DCDC2: variants seen among roughly 807,000 people sequenced by gnomAD.
The protein encoded by DCDC2 is doublecortin domain containing 2, also known as doublecortin domain-containing protein 2.
A neutral mutation model predicts 50.2 loss-of-function variants in DCDC2; 40 were observed. That is an observed-to-expected ratio of 0.80 (90% confidence interval 0.62 to 1.04). DCDC2 has a LOEUF of 1.04. DCDC2 is among the 50% of genes least tolerant of loss of function. The pLI is 0.00. For synonymous variants in DCDC2, 234 were observed against 210.6 expected (o/e 1.11, Z -0.96); for missense variants, 570 against 581.9 (o/e 0.98, Z 0.21).
intron 4 of DCDC2, among the ~76,000 whole-genome samples, chr6:24,292,990 A>T (rs930185117): frequency 1.3e-5 from 2 of 152,356 alleles, no homozygotes; most frequent in Non-Finnish European, 2.9e-5. Context: ...CAAAATAGTT[A>T]TATCTCAATC....
intron 6 of DCDC2, among the ~76,000 whole-genome samples, chr6:24,285,904 C>T (rs944924043): frequency 1.3e-5 from 2 of 152,148 alleles, no homozygotes; most frequent in African/African-American, 4.8e-5. Context: ...GTAATCATTC[C>T]TCTAGCTGCA....
chr6:24,312,576 T>C (rs73726649), intron 2 of DCDC2, among the ~76,000 whole-genome samples: 2,841 of 152,314 alleles, frequency 0.019, 74 homozygotes, highest in African/African-American at 0.06. Context: ...TTAGTTTCTA[T>C]GAGCTGATGA....
At chr6:24,244,989 G>A (rs1762640040) in intron 7 of DCDC2, among the ~76,000 whole-genome samples, 1 of 152,270 alleles carries the variant, frequency 6.6e-6, no homozygotes. Flanking sequence ...AAAGCCAGGA[G>A]TTCAAGACCA....
Position 24,172,267 on chromosome 6 carries a change from G to A in DCDC2, c.*2463C>T, listed in dbSNP as rs1036237995. On this transcript the variant is annotated 3_prime_UTR_variant, in exon 10 of 10. Coordinates refer to ENST00000378454, the MANE Select transcript of DCDC2 (RefSeq NM_016356.5). ...GCAAAGTGTCTTAAAGTGATAAGTC[G>A]TTATTCATCCCCTCAAAGTAGGTCA... 6 of 152,060 alleles carry A rather than the reference G, an allele frequency of 3.9e-5. No individual in the cohort carries two copies. The highest frequency in any genetic ancestry group is 4.8e-5 in the African/African-American group (2 of 41,398). The allele number at this position is 152,060 out of a possible 1,614,324, so 9.4% of individuals were successfully genotyped here. A position where few individuals can be genotyped will look rare whatever the true frequency, so the allele number is the denominator to read the frequency against.
intron 8 of DCDC2, among the ~76,000 whole-genome samples, chr6:24,201,925 C>T (rs1036905961): frequency 2.6e-5 from 4 of 152,070 alleles, no homozygotes; most frequent in African/African-American, 9.7e-5. Context: ...ATACACCCTC[C>T]CAAGACTAAA....
chr6:24,360,592 T>C (rs528680362), upstream of DCDC2, among the ~76,000 whole-genome samples: 3 of 152,304 alleles, frequency 2.0e-5, no homozygotes, highest in African/African-American at 7.2e-5. Flanking sequence ...AGTCGCTTTG[T>C]CCAGTCCAGT....
chr6:24,240,920 T>C (rs560931719), intron 7 of DCDC2, among the ~76,000 whole-genome samples: 2 of 152,346 alleles, frequency 1.3e-5, no homozygotes, highest in Non-Finnish European at 2.9e-5. Context: ...TGCACAACTA[T>C]TTGTGTAAAG....
chr6:24,261,753 C>A (rs758350404), intron 7 of DCDC2, among the ~76,000 whole-genome samples: 6 of 152,238 alleles, frequency 3.9e-5, no homozygotes, highest in Non-Finnish European at 7.4e-5. Flanking sequence ...TTTCTCAGCT[C>A]GTCATCTACT....
the DCDC2 span, among the ~76,000 whole-genome samples, chr6:24,373,527 C>T: frequency 6.6e-6 from 1 of 152,170 alleles, no homozygotes; most frequent in Admixed American, 6.5e-5. Flanking sequence ...CAAATGCCCA[C>T]AGAACTAAAT....
intron 9 of DCDC2, among the ~76,000 whole-genome samples, chr6:24,176,240 G>A (rs545128274): frequency 1.4e-4 from 22 of 152,150 alleles, no homozygotes; most frequent in Middle Eastern, 3.4e-3. Flanking sequence ...AAGCTGCAGT[G>A]AGCTGTGATC....
intron 4 of DCDC2, among the ~76,000 whole-genome samples, chr6:24,295,064 A>C (rs899291447): frequency 6.6e-6 from 1 of 152,150 alleles, no homozygotes; most frequent in African/African-American, 2.4e-5. Flanking sequence ...ATCAATACAA[A>C]AGTCCTCAAC....
At chr6:24,356,400 CAG>C (rs1259759181) in intron 1 of DCDC2, among the ~76,000 whole-genome samples, 1 of 151,984 alleles carries the variant, frequency 6.6e-6, no homozygotes, top group Non-Finnish European at 1.5e-5. Flanking sequence ...TTCCAGATGA[CAG>C]GGGACAGAGG....
chr6:24,208,734 T>G (rs979443658), intron 7 of DCDC2, among the ~76,000 whole-genome samples: 5 of 152,220 alleles, frequency 3.3e-5, no homozygotes, highest in African/African-American at 1.2e-4. Flanking sequence ...TTTAATCAAT[T>G]TCTTTTACCA....
intron 7 of DCDC2, among the ~76,000 whole-genome samples, chr6:24,219,627 G>T (rs1762056534): frequency 6.6e-6 from 1 of 152,190 alleles, no homozygotes; most frequent in South Asian, 2.1e-4. Flanking sequence ...TTGGCTGTGT[G>T]GGTATACGAC....
At chr6:24,270,399 A>G (rs1260624498) in intron 7 of DCDC2, among the ~76,000 whole-genome samples, 1 of 152,162 alleles carries the variant, frequency 6.6e-6, no homozygotes, top group African/African-American at 2.4e-5. Flanking sequence ...GTGTGCCATT[A>G]CTCAATGCTT....
the DCDC2 span, among the ~76,000 whole-genome samples, chr6:24,378,740 T>C: frequency 1.3e-5 from 2 of 152,124 alleles, no homozygotes; most frequent in African/African-American, 2.4e-5. Context: ...TGCAGGCATA[T>C]AAATTCAGCC....
At chr6:24,253,718 G>T (rs558371737) in intron 7 of DCDC2, among the ~76,000 whole-genome samples, 23 of 152,234 alleles carry the variant, frequency 1.5e-4, no homozygotes, top group Non-Finnish European at 1.5e-4. Context: ...ATTTAAAATG[G>T]TTATCTATAT....
chr6:24,275,434 A>T (rs969031854), intron 7 of DCDC2, among the ~76,000 whole-genome samples: 9 of 152,200 alleles, frequency 5.9e-5, no homozygotes, highest in Non-Finnish European at 1.0e-4. Context: ...TCCTGGAAAA[A>T]AATTGTCTTT....
chr6:24,295,596 T>C (rs6456604), intron 4 of DCDC2, among the ~76,000 whole-genome samples: 149,986 of 152,302 alleles, frequency 0.98, 73,883 homozygotes, highest in Middle Eastern at 1. Flanking sequence ...CCAAAAGCTC[T>C]TTCAGCTGAG....
Sources: allele counts gnomAD v4.1 joint callset (sites outside exome capture counted in the v4.1 genomes callset), GRCh38; gene constraint gnomAD v4.1.1; transcripts MANE v1.5; gene names NCBI Gene and HGNC (gene_info 2026-07-23, HGNC 2026-07-21).